MSRB3: variants seen among roughly 807,000 people sequenced by gnomAD.
MSRB3 encodes the protein methionine-R-sulfoxide reductase B3.
In MSRB3, 13 loss-of-function variants were observed where a neutral mutation model predicts 21.0. That is an observed-to-expected ratio of 0.62 (90% CI 0.40 to 0.98). The LOEUF is 0.98. Among genes scored for constraint, MSRB3 ranks in the 50% least tolerant of loss-of-function variants. The pLI is 0.00. For synonymous variants in MSRB3, 87 were observed against 88.6 expected, an observed-to-expected ratio of 0.98 and a Z score of 0.10; for missense variants, 199 against 230.3, an observed-to-expected ratio of 0.86 and a Z score of 0.88.
chr12:65,380,195 A>G (rs1056121818), intron 5 of MSRB3, among the ~76,000 whole-genome samples: 2 of 152,208 alleles, frequency 1.3e-5, no homozygotes, highest in African/African-American at 4.8e-5. Flanking sequence ...ATAATTTTAA[A>G]TAGAGGGCCC....
intron 4 of MSRB3, among the ~76,000 whole-genome samples, chr12:65,335,408 A>T (rs564680600): frequency 6.6e-6 from 1 of 152,304 alleles, no homozygotes; most frequent in East Asian, 1.9e-4. Flanking sequence ...TACATTTCAC[A>T]TGAGCCTCCT....
intron 4 of MSRB3, among the ~76,000 whole-genome samples, chr12:65,346,846 C>T (rs1373930975): frequency 1.3e-5 from 2 of 152,202 alleles, no homozygotes; most frequent in African/African-American, 4.8e-5. Flanking sequence ...ATAGGGAATC[C>T]TTTCCCCATT....
chr12:65,393,922 A>G (rs1374675828), intron 5 of MSRB3, among the ~76,000 whole-genome samples: 2 of 152,108 alleles, frequency 1.3e-5, no homozygotes, highest in Non-Finnish European at 1.5e-5. Flanking sequence ...GTAACCTGCT[A>G]AATATTTATG....
At chr12:65,344,624 A>G (rs551739920) in intron 4 of MSRB3, among the ~76,000 whole-genome samples, 4 of 151,980 alleles carry the variant, frequency 2.6e-5, no homozygotes, top group Admixed American at 1.3e-4. Flanking sequence ...GCTTCCCACC[A>G]AGACAGCTTT....
At chr12:65,411,567 C>G (rs1461963074) in intron 5 of MSRB3, among the ~76,000 whole-genome samples, 1 of 152,094 alleles carries the variant, frequency 6.6e-6, no homozygotes, top group East Asian at 1.9e-4. Context: ...ACGGTTAAAT[C>G]CTCATGAAAT....
chr12:65,412,063 A>G (rs1019467182), intron 5 of MSRB3, among the ~76,000 whole-genome samples: 3 of 152,156 alleles, frequency 2.0e-5, no homozygotes, highest in Non-Finnish European at 2.9e-5. Flanking sequence ...CGCACTTCCT[A>G]TGACTATAGT....
At chr12:65,349,674 T>G (rs1306404915) in intron 4 of MSRB3, among the ~76,000 whole-genome samples, 1 of 147,716 alleles carries the variant, frequency 6.8e-6, no homozygotes, top group Non-Finnish European at 1.5e-5. Flanking sequence ...GGTGAGCATT[T>G]TTTCAAGTGT....
rs755781844 is a variant in MSRB3 at position 65,463,194 on chromosome 12, C to T, written c.430C>T (p.Arg144Cys). The T allele has an allele frequency of 5.6e-6, 9 of 1,614,180 alleles. No homozygotes were observed. In the Admixed American group the frequency reaches 6.7e-5, roughly 12 times the overall value. The change falls in exon 7 of 7, where the codon CGT (arginine) becomes TGT (cysteine). Residue 144 changes from arginine (R) to cysteine (C), a missense_variant. Physicochemically the swap from Arg to Cys is radical, Grantham distance 180. Coordinates refer to ENST00000308259, the MANE Select transcript of MSRB3 (RefSeq NM_001031679.3). ...HLGHIFDDGP[R>C]PTGKRYCINS... ...TGGGCACATTTTTGATGATGGGCCT[C>T]GTCCAACTGGGAAAAGATACTGCAT...
chr12:65,396,704 A>AAAAGAAAGAAAGAAAG (rs752672139), intron 5 of MSRB3, among the ~76,000 whole-genome samples: 937 of 53,870 alleles, frequency 0.017, 11 homozygotes, highest in African/African-American at 0.031. Context: ...AAAAAAAAAA[A>AAAAGAAAGAAAGAAAG]AAAGAAAGAA....
intron 5 of MSRB3, among the ~76,000 whole-genome samples, chr12:65,422,420 ATATATATATATTTATT>A (rs1264468199): frequency 2.2e-4 from 17 of 76,056 alleles, no homozygotes; most frequent in Admixed American, 9.4e-4. Flanking sequence ...ATATATATAT[ATATATATATATTTATT>A]TATTTATTTA....
chr12:65,417,272 A>G (rs1227741683), intron 5 of MSRB3, among the ~76,000 whole-genome samples: 1 of 152,180 alleles, frequency 6.6e-6, no homozygotes, highest in Non-Finnish European at 1.5e-5. Flanking sequence ...TAGGAAAATG[A>G]GGAATAGTCC....
At chr12:65,367,399 T>G (rs1878072352) in intron 4 of MSRB3, among the ~76,000 whole-genome samples, 1 of 152,148 alleles carries the variant, frequency 6.6e-6, no homozygotes, top group Non-Finnish European at 1.5e-5. Flanking sequence ...AGATGCATTT[T>G]AGGACCCAGG....
chr12:65,326,811 C>A lies in MSRB3; in HGVS notation c.77-15C>A. 3.1e-6 allele frequency: 5 copies of A among 1,603,158 alleles called. No homozygotes were observed. The South Asian group carries it at 4.4e-5, about 14-fold the overall frequency. On this transcript the variant is annotated splice_polypyrimidine_tract_variant and intron_variant, in intron 2 of 6. Coordinates refer to ENST00000308259, the MANE Select transcript of MSRB3 (RefSeq NM_001031679.3). ...GCTAAAAAGGCTTCTTCTCCCATAT[C>A]CTCTCTCTTTTCAGGGTCGTGTAGG...
intron 5 of MSRB3, among the ~76,000 whole-genome samples, chr12:65,381,906 T>C (rs565879236): frequency 3.3e-5 from 5 of 152,064 alleles, no homozygotes; most frequent in Non-Finnish European, 7.4e-5. Context: ...TGTACTTTTG[T>C]TTTTGTTAAT....
chr12:65,303,148 G>A (rs1240480521), intron 1 of MSRB3, among the ~76,000 whole-genome samples: 1 of 152,038 alleles, frequency 6.6e-6, no homozygotes, highest in Admixed American at 6.6e-5. Flanking sequence ...GGCATTTATT[G>A]GGAAGGGATT....
At chr12:65,299,891 AG>A (rs1254237036) in intron 1 of MSRB3, among the ~76,000 whole-genome samples, 1 of 152,194 alleles carries the variant, frequency 6.6e-6, no homozygotes, top group Non-Finnish European at 1.5e-5. Flanking sequence ...TGTCTCTAAA[AG>A]CTTATATTGT....
At chr12:65,379,168 T>TTCCATCCATCCA (rs58173378) in intron 5 of MSRB3, among the ~76,000 whole-genome samples, 10 of 148,336 alleles carry the variant, frequency 6.7e-5, no homozygotes, top group African/African-American at 1.5e-4. Context: ...TCAACCATCC[T>TTCCATCCATCCA]TCCATCCATC....
chr12:65,406,039 G>A (rs1880396944), intron 5 of MSRB3, among the ~76,000 whole-genome samples: 1 of 151,924 alleles, frequency 6.6e-6, no homozygotes, highest in African/African-American at 2.4e-5. Context: ...TCACTCTGTT[G>A]ATTGCTTTCT....
intron 1 of MSRB3, among the ~76,000 whole-genome samples, chr12:65,300,997 G>A (rs1873294554): frequency 6.6e-6 from 1 of 152,132 alleles, no homozygotes; most frequent in South Asian, 2.1e-4. Context: ...GGAAAATGGA[G>A]AGCCAGAAAT....
Sources: allele counts gnomAD v4.1 joint callset (sites outside exome capture counted in the v4.1 genomes callset), GRCh38; gene constraint gnomAD v4.1.1; transcripts MANE v1.5; gene names NCBI Gene and HGNC (gene_info 2026-07-23, HGNC 2026-07-21).